Variants in SRPK2 observed in about 807,000 individuals in gnomAD.
SRPK2 encodes the protein SRSF protein kinase 2.
A neutral mutation model predicts 90.8 loss-of-function variants in SRPK2; 21 were observed. The ratio of observed to expected loss-of-function variants is 0.23; its 90% confidence interval spans 0.16 to 0.33. SRPK2 has a LOEUF of 0.33. SRPK2 is among the 10% of genes least tolerant of loss of function. The pLI is 1.00. For missense variants in SRPK2, 620 were observed against 869.0 expected, an observed-to-expected ratio of 0.71 and a Z score of 3.60; for synonymous variants, 288 against 311.1, an observed-to-expected ratio of 0.93 and a Z score of 0.78.
At chr7:105,302,945 G>C (rs1810723403) in intron 2 of SRPK2, among the ~76,000 whole-genome samples, 1 of 151,972 alleles carries the variant, frequency 6.6e-6, no homozygotes, top group Admixed American at 6.6e-5. Flanking sequence ...ATGGTGGCGG[G>C]CGCCTGTAGT....
intron 2 of SRPK2, among the ~76,000 whole-genome samples, chr7:105,295,784 C>G (rs925897018): frequency 6.6e-6 from 1 of 152,106 alleles, no homozygotes; most frequent in Non-Finnish European, 1.5e-5. Context: ...ATACATTTTA[C>G]CACAATTTGA....
intron 2 of SRPK2, among the ~76,000 whole-genome samples, chr7:105,291,736 A>AG (rs962634016): frequency 6.6e-5 from 10 of 151,986 alleles, no homozygotes; most frequent in Non-Finnish European, 1.3e-4. Context: ...TTTCAGGGGG[A>AG]GGGGGTCTCA....
intron 3 of SRPK2, among the ~76,000 whole-genome samples, chr7:105,179,082 GAT>G (rs1669373212): frequency 6.6e-6 from 1 of 152,124 alleles, no homozygotes; most frequent in Admixed American, 6.5e-5. Flanking sequence ...AAATCACACA[GAT>G]TAAAGGTCAG....
chr7:105,303,463 T>TA (rs569579209), intron 2 of SRPK2, among the ~76,000 whole-genome samples: 2,243 of 148,496 alleles, frequency 0.015, 43 homozygotes, highest in African/African-American at 0.049. Flanking sequence ...AAAGTATAAT[T>TA]AAAAAAAAAA....
chr7:105,352,374 A>G (rs924498425), intron 2 of SRPK2, among the ~76,000 whole-genome samples: 3 of 152,186 alleles, frequency 2.0e-5, no homozygotes, highest in African/African-American at 4.8e-5. Context: ...GCCAGCTGAC[A>G]TGTTGTGAGA....
intron 2 of SRPK2, among the ~76,000 whole-genome samples, chr7:105,363,050 G>A (rs1818615519): frequency 6.6e-6 from 1 of 151,950 alleles, no homozygotes; most frequent in South Asian, 2.1e-4. Context: ...GGTGGGGGGA[G>A]AGGGGAGGGA....
At chr7:105,174,456 G>A (rs964923774) in intron 3 of SRPK2, among the ~76,000 whole-genome samples, 13 of 151,738 alleles carry the variant, frequency 8.6e-5, no homozygotes, top group South Asian at 6.3e-4. Flanking sequence ...CCTGAGTTCC[G>A]CTGAGAATGC....
intron 3 of SRPK2, among the ~76,000 whole-genome samples, chr7:105,182,310 G>T (rs1291653146): frequency 6.6e-6 from 1 of 151,298 alleles, no homozygotes; most frequent in African/African-American, 2.4e-5. Context: ...AAAAAGGATA[G>T]CATGACGACA....
At chr7:105,373,187 T>G (rs975247310) in intron 2 of SRPK2, among the ~76,000 whole-genome samples, 6 of 152,116 alleles carry the variant, frequency 3.9e-5, no homozygotes, top group Admixed American at 3.3e-4. Flanking sequence ...ACTACCCACC[T>G]ATACCAACTA....
At chr7:105,390,667 G>A (rs1033882708), upstream of SRPK2, among the ~76,000 whole-genome samples, 4 of 146,536 alleles carry the variant, frequency 2.7e-5, no homozygotes, top group African/African-American at 7.8e-5. Flanking sequence ...TGGCCAGGCT[G>A]GTCTCGAACT....
intron 1 of SRPK2, among the ~76,000 whole-genome samples, chr7:105,396,788 A>G (rs1249844133): frequency 7.7e-6 from 1 of 130,050 alleles, no homozygotes; most frequent in Non-Finnish European, 1.6e-5. Context: ...GAGAGAAAGA[A>G]AGAAAGAGAA....
At chr7:105,327,722 T>A (rs1014703606) in intron 2 of SRPK2, among the ~76,000 whole-genome samples, 1 of 152,250 alleles carries the variant, frequency 6.6e-6, no homozygotes, top group Admixed American at 6.5e-5. Context: ...CAATATTAGC[T>A]GAATGAATGA....
chr7:105,256,574 T>C (rs1307965433), intron 2 of SRPK2, among the ~76,000 whole-genome samples: 1 of 152,120 alleles, frequency 6.6e-6, no homozygotes, highest in Non-Finnish European at 1.5e-5. Flanking sequence ...CATGGGTTGG[T>C]TTTGAACTCC....
rs773638880 is a variant in SRPK2 at position 105,117,249 on chromosome 7, A to G, written c.*589T>C. 1 of 152,724 alleles carries G rather than the reference A, an allele frequency of 6.5e-6. No individual in the cohort carries two copies. Among genetic ancestry groups the G allele is most frequent in the African/African-American group, 2.4e-5 (1 of 41,452 alleles). 9.5% of individuals were successfully genotyped at this position (152,724 alleles called of 1,614,324 possible). A position where few individuals can be genotyped will look rare whatever the true frequency, so the allele number is the denominator to read the frequency against. Reference sequence around the variant, plus strand: ...GTTTGCACAACTCCTTGGAGCAGTTAAAGTCCGCTACATGCAACATAGGCT... The same window carrying G: ...GTTTGCACAACTCCTTGGAGCAGTTGAAGTCCGCTACATGCAACATAGGCT... On this transcript the variant is annotated 3_prime_UTR_variant, in exon 16 of 16. Transcript: ENST00000393651.
At chr7:105,119,476 T>C (rs551025071) in intron 15 of SRPK2, among the ~76,000 whole-genome samples, 1 of 152,214 alleles carries the variant, frequency 6.6e-6, no homozygotes, top group South Asian at 2.1e-4. Context: ...AAAGTTGCAA[T>C]CATGCTGTGC....
At chr7:105,272,661 CA>C (rs1188736613) in intron 2 of SRPK2, among the ~76,000 whole-genome samples, 2 of 152,120 alleles carry the variant, frequency 1.3e-5, no homozygotes, top group Non-Finnish European at 2.9e-5. Flanking sequence ...CCCTTGCCAT[CA>C]AGAACTACAG....
intron 2 of SRPK2, chr7:105,245,013 G>C (rs1801411860): frequency 5.3e-6 from 4 of 759,280 alleles, no homozygotes; most frequent in Non-Finnish European, 9.0e-6. Flanking sequence ...AACAGCTTGA[G>C]AGGAAAAACA....
At chr7:105,281,842 C>T (rs562022047) in intron 2 of SRPK2, among the ~76,000 whole-genome samples, 9 of 152,230 alleles carry the variant, frequency 5.9e-5, no homozygotes, top group African/African-American at 1.2e-4. Flanking sequence ...ATCCTGTGTT[C>T]GTGGATGGGA....
intron 2 of SRPK2, among the ~76,000 whole-genome samples, chr7:105,351,118 T>C (rs532327315): frequency 2.6e-5 from 4 of 152,198 alleles, no homozygotes; most frequent in African/African-American, 9.6e-5. Context: ...CATGGATTAA[T>C]GAGTTAACGA....
Sources: allele counts gnomAD v4.1 joint callset (sites outside exome capture counted in the v4.1 genomes callset), GRCh38; gene constraint gnomAD v4.1.1; transcripts MANE v1.5; gene names NCBI Gene and HGNC (gene_info 2026-07-23, HGNC 2026-07-21).